Variants in MPP7 observed in about 807,000 individuals in gnomAD.
MPP7 encodes MAGUK p55 subfamily member 7.
Under a neutral mutation model 76.5 loss-of-function variants are expected in MPP7, and 60 were observed. The observed-to-expected ratio is 0.78, with a 90% confidence interval of 0.64 to 0.97. The LOEUF is 0.97. Among genes scored for constraint, MPP7 ranks in the 50% least tolerant of loss-of-function variants. The pLI is 0.00. For synonymous variants in MPP7, 237 were observed against 244.5 expected (o/e 0.97, Z 0.29); for missense variants, 641 against 694.0 (o/e 0.92, Z 0.86).
chr10:28,211,360 C>T (rs1487987801), intron 2 of MPP7, among the ~76,000 whole-genome samples: 4 of 152,026 alleles, frequency 2.6e-5, no homozygotes, highest in African/African-American at 9.7e-5. Context: ...GGGCAACACA[C>T]TGAGATGGTA....
Position 28,298,412 on chromosome 10 carries a change from G to A in MPP7, c.-132+4449C>T, listed in dbSNP as rs368217313. 2.9e-4 allele frequency among the ~76,000 whole-genome samples: 44 copies of A among 152,310 alleles called. No homozygotes were observed. In the South Asian group the frequency reaches 8.9e-3, roughly 31 times the overall value. On this transcript the variant is annotated intron_variant, in intron 1 of 16. Transcript: ENST00000683449. ...TGTACATCTCCATCAGAGCTCTTGG[G>A]TGACCAGGTGCATTGTCAATGAGCA...
rs142613930 is a variant in MPP7 at position 28,184,206 on chromosome 10, T to TAA, written c.156+17946_156+17947insTT. Among the ~76,000 whole-genome samples, 205 of 147,798 alleles carry TAA rather than the reference T, an allele frequency of 1.4e-3. 2 individuals carry two copies. Among genetic ancestry groups the TAA allele is most frequent in the Non-Finnish European group, 2.3e-3 (154 of 67,148 alleles). ...TTTATATATCAAAATATATATATCT[T>TAA]TATATGTTAAATATACCTTTATCTT... On this transcript the variant is annotated intron_variant, in intron 3 of 16. Coordinates refer to ENST00000683449, the MANE Select transcript of MPP7 (RefSeq NM_001318170.2).
chr10:28,244,831 G>A (rs983050288), intron 1 of MPP7, among the ~76,000 whole-genome samples: 2 of 152,028 alleles, frequency 1.3e-5, no homozygotes, highest in East Asian at 1.9e-4. Context: ...GTGCGGGCTC[G>A]GGAAGGCACA....
chr10:28,204,442 C>CAAAA (rs35353394), intron 2 of MPP7, among the ~76,000 whole-genome samples: 7 of 94,992 alleles, frequency 7.4e-5, no homozygotes, highest in Middle Eastern at 6.4e-3. Flanking sequence ...AACTCCGTCT[C>CAAAA]AAAAAAAAAA....
intron 1 of MPP7, among the ~76,000 whole-genome samples, chr10:28,330,876 G>C (rs1003464812): frequency 2.0e-5 from 3 of 152,044 alleles, no homozygotes; most frequent in African/African-American, 7.2e-5. Context: ...GCCCAGACTA[G>C]TCTCAAACTC....
intron 11 of MPP7, among the ~76,000 whole-genome samples, chr10:28,100,783 T>C (rs192303898): frequency 6.6e-6 from 1 of 152,198 alleles, no homozygotes; most frequent in East Asian, 1.9e-4. Flanking sequence ...TAATAAAAGA[T>C]ATCAATTTGC....
At chr10:28,291,715 T>G (rs1289604069) in intron 1 of MPP7, among the ~76,000 whole-genome samples, 2 of 152,220 alleles carry the variant, frequency 1.3e-5, no homozygotes, top group Non-Finnish European at 2.9e-5. Flanking sequence ...TTTAAAAAAT[T>G]TTTTTAATAA....
At chr10:28,249,642 C>A (rs568724198) in intron 1 of MPP7, among the ~76,000 whole-genome samples, 25 of 152,274 alleles carry the variant, frequency 1.6e-4, no homozygotes, top group African/African-American at 5.8e-4. Flanking sequence ...CCCTTTTCCC[C>A]GAGTAAGCAG....
chr10:28,170,311 T>C (rs550754387), intron 3 of MPP7, among the ~76,000 whole-genome samples: 1 of 151,936 alleles, frequency 6.6e-6, no homozygotes, highest in Non-Finnish European at 1.5e-5. Flanking sequence ...CCCACAAATA[T>C]CACCTTTCCT....
chr10:28,114,218 G>A (rs901535396), intron 11 of MPP7, among the ~76,000 whole-genome samples: 4 of 152,134 alleles, frequency 2.6e-5, no homozygotes, highest in Non-Finnish European at 4.4e-5. Context: ...TGAGATCAGC[G>A]TGAACCACAT....
chr10:28,332,805 G>T (rs925694306), intron 1 of MPP7, among the ~76,000 whole-genome samples: 1 of 152,004 alleles, frequency 6.6e-6, no homozygotes, highest in Non-Finnish European at 1.5e-5. Flanking sequence ...TGGACCACAG[G>T]CACGTGCCAC....
At chr10:28,274,994 A>G (rs1172737116) in intron 1 of MPP7, among the ~76,000 whole-genome samples, 1 of 152,260 alleles carries the variant, frequency 6.6e-6, no homozygotes, top group Non-Finnish European at 1.5e-5. Flanking sequence ...TTCAAATACT[A>G]TAATCAGAAT....
intron 1 of MPP7, among the ~76,000 whole-genome samples, chr10:28,302,363 G>A (rs1194375601): frequency 6.6e-6 from 1 of 152,180 alleles, no homozygotes; most frequent in Non-Finnish European, 1.5e-5. Context: ...TAATGCTATC[G>A]TGTAGATTAC....
At chr10:28,190,143 T>C (rs942191306) in intron 3 of MPP7, among the ~76,000 whole-genome samples, 4 of 152,100 alleles carry the variant, frequency 2.6e-5, no homozygotes, top group Non-Finnish European at 5.9e-5. Context: ...TAAATGTGTA[T>C]GCACCTAAAA....
chr10:28,053,959 T>C lies in MPP7; in HGVS notation c.*106A>G, dbSNP rs1851447897. 2.4e-6 allele frequency: 2 copies of C among 837,926 alleles called. No homozygotes were observed. The highest frequency in any genetic ancestry group is 4.9e-5 in the East Asian group (2 of 40,930). The allele number at this position is 837,926 out of a possible 1,614,324, so 51.9% of individuals were successfully genotyped here. Reference sequence around the variant, plus strand: ...ACCAGCATTCAACTTGAACCAAGATTGTACATCTATGACAGTGATATAGAT... The same window carrying C: ...ACCAGCATTCAACTTGAACCAAGATCGTACATCTATGACAGTGATATAGAT... On this transcript the variant is annotated 3_prime_UTR_variant, in exon 17 of 17. Coordinates refer to ENST00000683449, the MANE Select transcript of MPP7 (RefSeq NM_001318170.2).
chr10:28,064,061 C>T (rs548831544), intron 13 of MPP7, among the ~76,000 whole-genome samples: 2 of 152,280 alleles, frequency 1.3e-5, no homozygotes, highest in East Asian at 3.9e-4. Context: ...CGTATGGCCT[C>T]AGCATTCCAC....
chr10:28,323,013 A>G (rs888422924), intron 2 of MPP7, among the ~76,000 whole-genome samples: 1 of 152,112 alleles, frequency 6.6e-6, no homozygotes, highest in Non-Finnish European at 1.5e-5. Flanking sequence ...GGGGCCGGGC[A>G]CGGTGGCTCA....
intron 2 of MPP7, among the ~76,000 whole-genome samples, chr10:28,308,446 A>T (rs9919403): frequency 0.36 from 54,333 of 152,008 alleles, 9,954 homozygotes; most frequent in East Asian, 0.54. Flanking sequence ...AAGCAGGAGT[A>T]ACAGAATTGC....
At chr10:28,274,341 C>T (rs1438363370) in intron 1 of MPP7, among the ~76,000 whole-genome samples, 1 of 151,580 alleles carries the variant, frequency 6.6e-6, no homozygotes, top group Admixed American at 6.6e-5. Flanking sequence ...CCTCGTGATC[C>T]GCCCACCTCG....
Sources: gnomAD v4.1 joint callset for allele counts (sites outside exome capture counted in the v4.1 genomes callset) on GRCh38, gnomAD v4.1.1 for gene constraint, MANE v1.5 for transcripts, NCBI Gene and HGNC (gene_info 2026-07-23, HGNC 2026-07-21) for gene names.